ELAPOR2: variants seen among roughly 807,000 people sequenced by gnomAD.
ELAPOR2 encodes the protein endosome-lysosome associated apoptosis and autophagy regulator family member 2.
In ELAPOR2, 89 loss-of-function variants were observed where a neutral mutation model predicts 120.7. The observed-to-expected ratio is 0.74, with a 90% CI of 0.62 to 0.88. ELAPOR2 has a LOEUF of 0.88. Ranked by LOEUF, ELAPOR2 falls within the 40% of genes least tolerant of loss-of-function variation. The pLI is 0.00. For synonymous variants in ELAPOR2, 444 were observed against 444.9 expected, an observed-to-expected ratio of 1.00 and a Z score of 0.03; for missense variants, 1,134 against 1,251.6, an observed-to-expected ratio of 0.91 and a Z score of 1.42.
chr7:86,908,751 G>C (rs1789157276), intron 16 of ELAPOR2, among the ~76,000 whole-genome samples: 1 of 151,968 alleles, frequency 6.6e-6, no homozygotes, highest in Admixed American at 6.6e-5. Flanking sequence ...CCCTAGTTTT[G>C]TAATTTTGCT....
At chr7:87,052,736 A>G (rs1336844737) in intron 1 of ELAPOR2, among the ~76,000 whole-genome samples, 1 of 152,152 alleles carries the variant, frequency 6.6e-6, no homozygotes, top group Non-Finnish European at 1.5e-5. Flanking sequence ...AACTGAGTTG[A>G]GAATCAACTT....
At chr7:86,953,181 A>G (rs1791337552) in intron 2 of ELAPOR2, among the ~76,000 whole-genome samples, 1 of 98,090 alleles carries the variant, frequency 1.0e-5, no homozygotes, top group East Asian at 2.6e-4. Flanking sequence ...CTGCCAGTGG[A>G]TTACATCCTT....
At chr7:86,992,018 T>C (rs1017227512) in intron 1 of ELAPOR2, among the ~76,000 whole-genome samples, 2 of 152,218 alleles carry the variant, frequency 1.3e-5, no homozygotes, top group Non-Finnish European at 2.9e-5. Flanking sequence ...AAAATGGGGA[T>C]AATAGATATT....
rs1790746019 is a variant in ELAPOR2, at chr7:86,940,191, T to C, written c.742-76A>G. Reference sequence around the variant, plus strand: ...CAAAAGCTACTCCCTTACATACTTTTTCAATCCATATAATAAAACACCATT... The same window carrying C: ...CAAAAGCTACTCCCTTACATACTTTCTCAATCCATATAATAAAACACCATT... On this transcript the variant is annotated intron_variant, in intron 5 of 21. Coordinates refer to ENST00000450689, the MANE Select transcript of ELAPOR2 (RefSeq NM_001142749.3). The C allele has an allele frequency of 1.1e-5, 9 of 802,542 alleles. No homozygotes were observed. The South Asian group carries it at 1.4e-4, about 13-fold the overall frequency. 49.7% of individuals were successfully genotyped at this position (802,542 alleles called of 1,614,324 possible).
At chr7:86,929,391 C>T (rs1016460708) in intron 8 of ELAPOR2, among the ~76,000 whole-genome samples, 6 of 152,092 alleles carry the variant, frequency 3.9e-5, no homozygotes, top group African/African-American at 1.4e-4. Context: ...GCCTTGTGCT[C>T]CATGATGTTC....
chr7:87,041,039 G>A (rs972639745), intron 1 of ELAPOR2, among the ~76,000 whole-genome samples: 1 of 152,172 alleles, frequency 6.6e-6, no homozygotes, highest in African/African-American at 2.4e-5. Flanking sequence ...TGAATGAAAT[G>A]AAGGGAGAAG....
chr7:87,036,782 G>A (rs968174867), intron 1 of ELAPOR2, among the ~76,000 whole-genome samples: 1 of 152,168 alleles, frequency 6.6e-6, no homozygotes. Context: ...CAGACTATTA[G>A]AAAGGAAAGG....
At chr7:86,933,994 T>C (rs76220222) in intron 8 of ELAPOR2, among the ~76,000 whole-genome samples, 1 of 152,034 alleles carries the variant, frequency 6.6e-6, no homozygotes, top group Non-Finnish European at 1.5e-5. Context: ...ATGTAAGAAG[T>C]GGGCACTAAT....
At chr7:86,921,280 G>C (rs117763442) in intron 10 of ELAPOR2, among the ~76,000 whole-genome samples, 2 of 152,114 alleles carry the variant, frequency 1.3e-5, no homozygotes, top group African/African-American at 4.8e-5. Flanking sequence ...ATTAAGATGA[G>C]GTTATAAGGA....
chr7:86,937,987 A>T, intron 8 of ELAPOR2, 139 bp downstream of exon 8: 1 of 622,040 alleles, frequency 1.6e-6, no homozygotes, highest in East Asian at 2.9e-5. Flanking sequence ...GGCAGACTTC[A>T]AACCCTAAAC....
At chr7:86,884,810 G>A (rs1434057061) in intron 21 of ELAPOR2, among the ~76,000 whole-genome samples, 1 of 152,164 alleles carries the variant, frequency 6.6e-6, no homozygotes, top group African/African-American at 2.4e-5. Context: ...TGTTTGGTAA[G>A]CAATTCAGAA....
intron 1 of ELAPOR2, among the ~76,000 whole-genome samples, chr7:87,004,506 C>CT (rs1457983936): frequency 6.6e-6 from 1 of 152,292 alleles, no homozygotes; most frequent in African/African-American, 2.4e-5. Context: ...ACCACAAACT[C>CT]TAAGTGTCTT....
rs922655105 is a variant in ELAPOR2, at chr7:86,879,037, G to C, written c.*1434C>G. The C allele has an allele frequency of 6.6e-6, 1 of 152,060 alleles. No homozygotes were observed. Among genetic ancestry groups the C allele is most frequent in the Non-Finnish European group, 1.5e-5 (1 of 67,994 alleles). The allele number at this position is 152,060 out of a possible 1,614,324, so 9.4% of individuals were successfully genotyped here. On this transcript the variant is annotated 3_prime_UTR_variant, in exon 22 of 22. Transcript: ENST00000450689. Reference sequence around the variant, plus strand: ...CAAGTCATACTTCATTGGAATGCTTGGGGCAAATCATTTCCCTACATATAT... The same window carrying C: ...CAAGTCATACTTCATTGGAATGCTTCGGGCAAATCATTTCCCTACATATAT...
intron 8 of ELAPOR2, among the ~76,000 whole-genome samples, chr7:86,937,326 AG>A (rs1790602143): frequency 6.6e-6 from 1 of 152,156 alleles, no homozygotes; most frequent in Admixed American, 6.6e-5. Context: ...CAAAAACAAG[AG>A]AAGAAAGTAA....
chr7:86,935,066 C>A (rs998156934), intron 8 of ELAPOR2, among the ~76,000 whole-genome samples: 2 of 152,016 alleles, frequency 1.3e-5, no homozygotes, highest in South Asian at 4.1e-4. Context: ...CCTCTCTAGT[C>A]CCCTTCTAAT....
chr7:87,008,452 G>C (rs1233866650), intron 1 of ELAPOR2, among the ~76,000 whole-genome samples: 2 of 152,296 alleles, frequency 1.3e-5, no homozygotes, highest in East Asian at 1.9e-4. Context: ...AATTTGAATA[G>C]GGACTACAGA....
intron 1 of ELAPOR2, among the ~76,000 whole-genome samples, chr7:86,970,858 T>A (rs1166631756): frequency 6.6e-6 from 1 of 152,172 alleles, no homozygotes; most frequent in Non-Finnish European, 1.5e-5. Flanking sequence ...TTGGAAAAAG[T>A]TCATATTTTA....
intron 2 of ELAPOR2, among the ~76,000 whole-genome samples, chr7:86,963,775 C>T (rs187007107): frequency 2.6e-5 from 4 of 152,136 alleles, no homozygotes; most frequent in African/African-American, 9.7e-5. Context: ...GCCCTCTGCA[C>T]GAGTGGTTTC....
intron 21 of ELAPOR2, among the ~76,000 whole-genome samples, chr7:86,888,758 A>G (rs1799810356): frequency 6.6e-6 from 1 of 152,120 alleles, no homozygotes; most frequent in Non-Finnish European, 1.5e-5. Flanking sequence ...CCTGAAGACA[A>G]AAAGGAGACA....
Sources: allele counts gnomAD v4.1 joint callset (sites outside exome capture counted in the v4.1 genomes callset), GRCh38; gene constraint gnomAD v4.1.1; transcripts MANE v1.5; gene names NCBI Gene and HGNC (gene_info 2026-07-23, HGNC 2026-07-21).